The following GNG7 variants were observed in gnomAD, a reference collection of about 807,000 sequenced individuals.
GNG7 encodes the protein guanine nucleotide-binding protein G(I)/G(S)/G(O) subunit gamma-7.
In GNG7, 1 loss-of-function variant was observed where a neutral mutation model predicts 4.0. The ratio of observed to expected loss-of-function variants is 0.25; its 90% CI spans 0.09 to 1.18. The LOEUF is 1.18. GNG7 is among the 50% of genes most tolerant of loss of function. GNG7 has a pLI of 0.50. For missense variants in GNG7, 86 were observed against 91.9 expected (o/e 0.94, Z 0.26); for synonymous variants, 34 against 36.9 (o/e 0.92, Z 0.29).
chr19:2,516,304 A>G (rs536940238), intron 4 of GNG7, among the ~76,000 whole-genome samples: 3 of 152,182 alleles, frequency 2.0e-5, no homozygotes, highest in Admixed American at 2.0e-4. Context: ...GATCACTGCA[A>G]TCTCTTGCTC....
chr19:2,587,398 C>G (rs989708917), intron 2 of GNG7, among the ~76,000 whole-genome samples: 1 of 152,116 alleles, frequency 6.6e-6, no homozygotes, highest in Non-Finnish European at 1.5e-5. Flanking sequence ...GAGGGCTCCC[C>G]GGGCACAATG....
chr19:2,693,866 C>T (rs1346264539), intron 1 of GNG7, among the ~76,000 whole-genome samples: 1 of 152,022 alleles, frequency 6.6e-6, no homozygotes, highest in Non-Finnish European at 1.5e-5. Flanking sequence ...CTACCCACAA[C>T]CCCCCCAAGT....
chr19:2,632,443 A>AG (rs1491515598), intron 2 of GNG7: 15 of 151,078 alleles, frequency 9.9e-5, no homozygotes, highest in African/African-American at 3.7e-4. Flanking sequence ...AAAAAAAAAA[A>AG]CAAAAAAACC....
rs918741503 is a variant in GNG7 at position 2,609,094 on chromosome 19, T to G, written c.-78+37130A>C. On this transcript the variant is annotated intron_variant, in intron 2 of 4. Transcript: ENST00000382159. This position sits in a 1 kb window ranked among gnomAD's most constrained non-coding sequence, Gnocchi z 4.4. ...CAGGCTGGAGTGCAGTGGTGCGATC[T>G]TGGCTCACCGCAACCTCTGCCTCTC... 2.0e-5 allele frequency among the ~76,000 whole-genome samples: 3 copies of G among 152,070 alleles called. No homozygotes were observed. The highest frequency in any genetic ancestry group is 4.4e-5 in the Non-Finnish European group (3 of 67,992).
intron 2 of GNG7, among the ~76,000 whole-genome samples, chr19:2,637,588 A>G (rs1982350357): frequency 6.6e-6 from 1 of 152,142 alleles, no homozygotes; most frequent in East Asian, 1.9e-4. Flanking sequence ...CCCGCATCCC[A>G]CGCCACCCTT....
At chr19:2,560,818 G>T (rs767277591) in intron 2 of GNG7, among the ~76,000 whole-genome samples, 29 of 151,986 alleles carry the variant, frequency 1.9e-4, no homozygotes, top group Non-Finnish European at 3.5e-4. Context: ...TTAGCCAGGC[G>T]TGGTGGTGGG....
chr19:2,568,302 C>CACACACAT (rs1555694478), intron 2 of GNG7, among the ~76,000 whole-genome samples: 24 of 150,010 alleles, frequency 1.6e-4, no homozygotes, highest in African/African-American at 5.4e-4. Flanking sequence ...TACACACGCA[C>CACACACAT]ACACATACAC....
At chr19:2,518,479 T>G (rs1371350810) in intron 4 of GNG7, among the ~76,000 whole-genome samples, 3 of 152,228 alleles carry the variant, frequency 2.0e-5, no homozygotes, top group African/African-American at 7.2e-5. Context: ...GGCAGACCCC[T>G]CCCCTACTGG....
At chr19:2,576,452 C>T (rs10421002) in intron 2 of GNG7, among the ~76,000 whole-genome samples, 7,048 of 152,266 alleles carry the variant, frequency 0.046, 538 homozygotes, top group African/African-American at 0.16. Context: ...AGGCGGGGGA[C>T]GGGCACTGCA....
chr19:2,529,774 T>C (rs1258940472), intron 3 of GNG7, among the ~76,000 whole-genome samples: 2 of 152,160 alleles, frequency 1.3e-5, no homozygotes, highest in African/African-American at 2.4e-5. Flanking sequence ...GGTGAGGTCA[T>C]TGCCAGGGAT....
intron 2 of GNG7, among the ~76,000 whole-genome samples, chr19:2,620,220 A>AAGAGG (rs765606816): frequency 0.086 from 7,640 of 88,876 alleles, 772 homozygotes; most frequent in African/African-American, 0.2. Context: ...CAGAAAAGAA[A>AAGAGG]AGAGGAGAGG....
In GNG7 at chr19:2,628,542, A is replaced by G. The variant is rs1294937772; in HGVS notation, c.-78+17682T>C. 1.3e-5 allele frequency among the ~76,000 whole-genome samples: 2 copies of G among 150,620 alleles called. 1 individual carries two copies. Among genetic ancestry groups the G allele is most frequent in the Non-Finnish European group, 2.9e-5 (2 of 68,004 alleles). ...GTGTGTGTGTATATATATATATAAC[A>G]TAAGACGGATCATCTTAACCACGTT... On this transcript the variant is annotated intron_variant, in intron 2 of 4. Coordinates refer to ENST00000382159, the MANE Select transcript of GNG7 (RefSeq NM_052847.3).
At chr19:2,592,812 GAA>G (rs1177011475) in intron 2 of GNG7, among the ~76,000 whole-genome samples, 3 of 104,928 alleles carry the variant, frequency 2.9e-5, no homozygotes, top group East Asian at 5.3e-4. Flanking sequence ...AAGAAAGAAA[GAA>G]AGAGAGAGAG....
intron 1 of GNG7, among the ~76,000 whole-genome samples, chr19:2,664,073 C>T (rs1012277917): frequency 1.2e-4 from 19 of 152,224 alleles, no homozygotes; most frequent in African/African-American, 4.6e-4. Flanking sequence ...AGGGACCTGA[C>T]ATTTGATGAC....
At chr19:2,538,811 C>T (rs1978841698) in intron 3 of GNG7, 1 of 367,904 alleles carries the variant, frequency 2.7e-6, no homozygotes, top group African/African-American at 2.2e-5. Context: ...CTCTGTCTCC[C>T]AGGCTGGAGT....
At chr19:2,570,462 C>T (rs972607854) in intron 2 of GNG7, among the ~76,000 whole-genome samples, 2 of 152,188 alleles carry the variant, frequency 1.3e-5, no homozygotes, top group African/African-American at 4.8e-5. Context: ...CCCTTTCCAG[C>T]CACATGTGGA....
At chr19:2,644,953 C>T (rs1289282571) in intron 2 of GNG7, among the ~76,000 whole-genome samples, 1 of 152,140 alleles carries the variant, frequency 6.6e-6, no homozygotes, top group Non-Finnish European at 1.5e-5. Flanking sequence ...TCTGAATTAC[C>T]TCTCATGACC....
intron 1 of GNG7, among the ~76,000 whole-genome samples, chr19:2,659,127 A>G (rs11670733): frequency 1.5e-4 from 23 of 151,720 alleles, no homozygotes; most frequent in Middle Eastern, 3.4e-3. Flanking sequence ...CCGCCACCAC[A>G]CCTGGCTAAT....
At chr19:2,563,237 T>C (rs1480631448) in intron 2 of GNG7, among the ~76,000 whole-genome samples, 8 of 151,874 alleles carry the variant, frequency 5.3e-5, no homozygotes, top group African/African-American at 1.7e-4. Context: ...TGTGAGCCAC[T>C]GCGTCCGGCC....
Sources: allele counts gnomAD v4.1 joint callset (sites outside exome capture counted in the v4.1 genomes callset), GRCh38; gene constraint gnomAD v4.1.1; non-coding constraint Gnocchi (gnomAD v3.1); transcripts MANE v1.5; gene names NCBI Gene and HGNC (gene_info 2026-07-23, HGNC 2026-07-21).